Variants in LDLRAD4 observed in about 807,000 individuals in gnomAD.
LDLRAD4 encodes the protein low-density lipoprotein receptor class A domain-containing protein 4.
LDLRAD4 carries 5 observed loss-of-function variants against 17.0 expected under a neutral mutation model. The ratio of observed to expected loss-of-function variants is 0.29; its 90% CI spans 0.15 to 0.62. The LOEUF is 0.62. Ranked by LOEUF, LDLRAD4 falls within the 20% of genes least tolerant of loss-of-function variation. The pLI is 0.84. For synonymous variants in LDLRAD4, 168 were observed against 171.8 expected, an observed-to-expected ratio of 0.98 and a Z score of 0.17; for missense variants, 340 against 424.7, an observed-to-expected ratio of 0.80 and a Z score of 1.75.
chr18:13,306,258 A>G (rs2046907470), intron 1 of LDLRAD4, among the ~76,000 whole-genome samples: 1 of 152,252 alleles, frequency 6.6e-6, no homozygotes, highest in Non-Finnish European at 1.5e-5. Context: ...ACGGCCCCTG[A>G]GCCTTGAAGG....
At chr18:13,353,497 G>A (rs192381179) in intron 1 of LDLRAD4, among the ~76,000 whole-genome samples, 63 of 152,308 alleles carry the variant, frequency 4.1e-4, no homozygotes, top group Middle Eastern at 3.4e-3. Context: ...TCCTCTGCCT[G>A]CAGTCTGTTG....
chr18:13,403,718 T>A (rs963230018), intron 2 of LDLRAD4, among the ~76,000 whole-genome samples: 51 of 152,200 alleles, frequency 3.4e-4, no homozygotes, highest in African/African-American at 1.2e-3. Context: ...CCTTGTAAAA[T>A]CCTCGTGGGA....
intron 3 of LDLRAD4, among the ~76,000 whole-genome samples, chr18:13,541,870 G>A (rs2147952629): frequency 6.6e-6 from 1 of 152,306 alleles, no homozygotes; most frequent in Middle Eastern, 3.4e-3. Flanking sequence ...CCAGAAGTTC[G>A]AGACCAGCCT....
intron 3 of LDLRAD4, among the ~76,000 whole-genome samples, chr18:13,475,427 A>ATTTTTT (rs35255496): frequency 7.6e-6 from 1 of 131,156 alleles, no homozygotes; most frequent in Non-Finnish European, 1.6e-5. Context: ...CACCCCGCTG[A>ATTTTTT]TTTTTTTTTT....
At chr18:13,247,452 G>C (rs4797751) in intron 1 of LDLRAD4, among the ~76,000 whole-genome samples, 130,880 of 152,266 alleles carry the variant, frequency 0.86, 56,675 homozygotes, top group East Asian at 0.95. Context: ...GTTCCCAGGT[G>C]CAGTCCAGGA....
intron 1 of LDLRAD4, chr18:13,241,821 C>T (rs1276028007): frequency 1.3e-5 from 2 of 152,294 alleles, no homozygotes; most frequent in Non-Finnish European, 2.9e-5. Flanking sequence ...CGTAATTACT[C>T]CTGCTGGAGA....
At chr18:13,608,807 T>A (rs555165507) in intron 3 of LDLRAD4, among the ~76,000 whole-genome samples, 1 of 152,336 alleles carries the variant, frequency 6.6e-6, no homozygotes, top group Non-Finnish European at 1.5e-5. Flanking sequence ...GTGCGTTTCC[T>A]CCTAAGGACT....
intron 2 of LDLRAD4, among the ~76,000 whole-genome samples, chr18:13,390,885 T>C (rs1421205400): frequency 6.6e-6 from 1 of 152,344 alleles, no homozygotes; most frequent in East Asian, 1.9e-4. Context: ...CCCTGGAGAC[T>C]TGGCTCATCA....
chr18:13,242,167 C>T (rs182947406), intron 1 of LDLRAD4: 73 of 152,358 alleles, frequency 4.8e-4, no homozygotes, highest in Non-Finnish European at 8.2e-4. Flanking sequence ...AAACCAAGAA[C>T]GTGCTTCTGA....
intron 1 of LDLRAD4, among the ~76,000 whole-genome samples, chr18:13,375,824 G>A (rs1005579497): frequency 5.3e-5 from 8 of 152,098 alleles, no homozygotes; most frequent in Admixed American, 1.3e-4. Flanking sequence ...GTTTCCTCCC[G>A]CCCGCCAGCG....
chr18:13,458,256 C>T (rs746319002), intron 3 of LDLRAD4, among the ~76,000 whole-genome samples: 3 of 152,194 alleles, frequency 2.0e-5, no homozygotes, highest in Admixed American at 6.5e-5. Flanking sequence ...ATGCCATTCA[C>T]GCAAAACAAA....
At chr18:13,298,617 A>T (rs1431117680) in intron 1 of LDLRAD4, among the ~76,000 whole-genome samples, 2 of 148,070 alleles carry the variant, frequency 1.4e-5, no homozygotes, top group Non-Finnish European at 3.0e-5. Context: ...ATGGTGATGG[A>T]GCTGCTCTGG....
chr18:13,561,142 T>C (rs2094536186), intron 3 of LDLRAD4, among the ~76,000 whole-genome samples: 1 of 50,834 alleles, frequency 2.0e-5, no homozygotes, highest in Non-Finnish European at 5.1e-5. Flanking sequence ...CCTGCAGATA[T>C]TCAGGGCCCA....
At chr18:13,294,508 C>A (rs753396068) in intron 1 of LDLRAD4, among the ~76,000 whole-genome samples, 4 of 152,146 alleles carry the variant, frequency 2.6e-5, no homozygotes, top group Non-Finnish European at 4.4e-5. Flanking sequence ...CAGAAAGAGA[C>A]CAAAGCTATC....
At chr18:13,536,260 G>A (rs73413521) in intron 3 of LDLRAD4, among the ~76,000 whole-genome samples, 9,094 of 152,132 alleles carry the variant, frequency 0.06, 382 homozygotes, top group East Asian at 0.2. Context: ...AGTGAATCTC[G>A]CAATTCATTA....
chr18:13,470,128 G>A (rs1379226796), intron 3 of LDLRAD4, among the ~76,000 whole-genome samples: 2 of 152,146 alleles, frequency 1.3e-5, no homozygotes, highest in Non-Finnish European at 2.9e-5. Flanking sequence ...TTGACATAGC[G>A]ATAGACCGTG....
intron 1 of LDLRAD4, among the ~76,000 whole-genome samples, chr18:13,385,376 A>G (rs1423617239): frequency 6.6e-6 from 1 of 152,200 alleles, no homozygotes; most frequent in African/African-American, 2.4e-5. Flanking sequence ...TACTTTGGAT[A>G]TTAGGCCCTG....
chr18:13,222,771 G>C (rs1242018394), intron 1 of LDLRAD4, among the ~76,000 whole-genome samples: 1 of 152,172 alleles, frequency 6.6e-6, no homozygotes, highest in Non-Finnish European at 1.5e-5. Context: ...CTCCTCCCCT[G>C]CCCTGGCCCC....
chr18:13,310,854 G>T (rs974636152), intron 1 of LDLRAD4, among the ~76,000 whole-genome samples: 2 of 152,098 alleles, frequency 1.3e-5, no homozygotes, highest in African/African-American at 4.8e-5. Context: ...GAGAAATTTT[G>T]CAGAGTCAGA....
Sources: gnomAD v4.1 joint callset for allele counts (sites outside exome capture counted in the v4.1 genomes callset) on GRCh38, gnomAD v4.1.1 for gene constraint, MANE v1.5 for transcripts, NCBI Gene and HGNC (gene_info 2026-07-23, HGNC 2026-07-21) for gene names.